PRC1: variants seen among roughly 807,000 people sequenced by gnomAD.
PRC1 encodes the protein protein regulator of cytokinesis 1, also known as anaphase spindle elongation 1 homolog.
A neutral mutation model predicts 91.2 loss-of-function variants in PRC1; 54 were observed. The ratio of observed to expected loss-of-function variants is 0.59; its 90% confidence interval spans 0.48 to 0.74. PRC1 has a LOEUF of 0.74. Among genes scored for constraint, PRC1 ranks in the 30% least tolerant of loss-of-function variants. PRC1 has a pLI of 0.00. For missense variants in PRC1, 727 were observed against 746.2 expected (o/e 0.97, Z 0.30); for synonymous variants, 275 against 263.6 (o/e 1.04, Z -0.42).
intron 1 of PRC1, among the ~76,000 whole-genome samples, chr15:90,989,337 C>T (rs2039810360): frequency 6.6e-6 from 1 of 151,724 alleles, no homozygotes. Flanking sequence ...AGCCTCAACG[C>T]CCTGGGCTCA....
chr15:90,974,094 C>T lies in PRC1; in HGVS notation c.1461+42G>A. 1 of 1,563,460 alleles carries T rather than the reference C, an allele frequency of 6.4e-7. No homozygotes were observed. The highest frequency in any genetic ancestry group is 2.2e-5 in the East Asian group (1 of 44,644). ...AAGAGGTGGCTGGGACTACCCTCAC[C>T]CACTCCCTTGAAATCAGTGTTTCCC... On this transcript the variant is annotated intron_variant, in intron 11 of 14. Coordinates refer to ENST00000394249, the MANE Select transcript of PRC1 (RefSeq NM_003981.4). The surrounding 1 kb of genome is among the most constrained non-coding windows in gnomAD (Gnocchi z 4.6).
intron 14 of PRC1, chr15:90,968,481 G>T (rs935187182): frequency 3.0e-6 from 3 of 985,658 alleles, no homozygotes; most frequent in Non-Finnish European, 3.6e-6. Context: ...CACAGATTAA[G>T]TAAAAGGCAG....
At chr15:90,991,247 C>T (rs965754917) in intron 1 of PRC1, among the ~76,000 whole-genome samples, 1 of 151,374 alleles carries the variant, frequency 6.6e-6, no homozygotes, top group Non-Finnish European at 1.5e-5. Context: ...GAAACCCCAT[C>T]TCTACTAGAA....
At chr15:90,968,650 C>T (rs917978266) in intron 14 of PRC1, 13 of 1,002,994 alleles carry the variant, frequency 1.3e-5, no homozygotes, top group Middle Eastern at 1.0e-3. Flanking sequence ...ATAGAGCTGG[C>T]GGTTAAGCCC....
At chr15:90,989,007 C>T (rs1007665607) in intron 1 of PRC1, among the ~76,000 whole-genome samples, 3 of 152,090 alleles carry the variant, frequency 2.0e-5, no homozygotes, top group African/African-American at 7.2e-5. Flanking sequence ...GGCAAAGAAT[C>T]TGAATAGACA....
At position 90,984,144 on chromosome 15, in the gene PRC1, C is replaced by G; in HGVS notation, c.145-4G>C. On this transcript the variant is annotated splice_region_variant and splice_polypyrimidine_tract_variant and intron_variant, in intron 2 of 14. Coordinates refer to ENST00000394249, the MANE Select transcript of PRC1 (RefSeq NM_003981.4). The surrounding 1 kb of genome is among the most constrained non-coding windows in gnomAD (Gnocchi z 5.1). Reference sequence around the variant, plus strand: ...CAATCATCATATCCAGGAGTTCCTACAAGAGGGAAAACAGTCCATAAGTTT... The same window carrying G: ...CAATCATCATATCCAGGAGTTCCTAGAAGAGGGAAAACAGTCCATAAGTTT... 6.2e-7 allele frequency: 1 copy of G among 1,614,006 alleles called. No individual in the cohort carries two copies. The highest frequency in any genetic ancestry group is 8.5e-7 in the Non-Finnish European group (1 of 1,179,930).
At chr15:90,969,340 C>T in intron 13 of PRC1, 107 bp downstream of exon 13, 3 of 1,407,864 alleles carry the variant, frequency 2.1e-6, no homozygotes, top group South Asian at 2.7e-5. Context: ...TCTCAGCCTC[C>T]AAGGTAGCTG....
rs1335680589 is a variant in PRC1, at chr15:90,984,519, G to A, written c.144+174C>T. Among the ~76,000 whole-genome samples the A allele has an allele frequency of 3.9e-5, 6 of 152,086 alleles. No homozygotes were observed. The highest frequency in any genetic ancestry group is 2.1e-4 in the South Asian group (1 of 4,818). On this transcript the variant is annotated intron_variant, in intron 2 of 14. Coordinates refer to ENST00000394249, the MANE Select transcript of PRC1 (RefSeq NM_003981.4). The surrounding 1 kb of genome is among the most constrained non-coding windows in gnomAD (Gnocchi z 5.1). ...GCTGGGATTACAGGCATGAGCCACC[G>A]CACCCAGCCTCCTCAAATTTCAAGA...
chr15:90,968,080 C>G, intron 14 of PRC1: 4 of 985,452 alleles, frequency 4.1e-6, no homozygotes, highest in Non-Finnish European at 4.8e-6. Context: ...TTTGGTGCTG[C>G]CTGGTGGAGT....
At chr15:90,986,326 A>G (rs2039570692) in intron 1 of PRC1, among the ~76,000 whole-genome samples, 3 of 152,238 alleles carry the variant, frequency 2.0e-5, no homozygotes, top group African/African-American at 4.8e-5. Flanking sequence ...GCACTAATGC[A>G]GCAATGAAAA....
At chr15:90,980,417 G>T (rs752770953) in intron 6 of PRC1, 28 bp from the exon 7 acceptor site, 8 of 1,606,074 alleles carry the variant, frequency 5.0e-6, no homozygotes, top group Admixed American at 1.7e-5. Flanking sequence ...GTTAAGGGTG[G>T]CTGCCATAGT....
rs866904342 is a variant in PRC1 at position 90,980,371 on chromosome 15, G to A, written c.841C>T (p.Arg281Trp). 26 of 1,613,502 alleles carry A rather than the reference G, an allele frequency of 1.6e-5. No homozygotes were observed. The highest frequency in any genetic ancestry group is 5.3e-5 in the African/African-American group (4 of 74,840). Residue 281 changes from arginine to tryptophan, a missense_variant, in exon 7 of 15, where the codon CGG becomes TGG. Transcript: ENST00000394249. ...VRKALQLEVD[R>W]LEELKMQNMK... ...TTTTGCATTTTCAGTTCTTCCAACCGATCCACTTCTAATTGCAGCTGAAAG... is the reference window on the plus strand; with the variant it reads ...TTTTGCATTTTCAGTTCTTCCAACCAATCCACTTCTAATTGCAGCTGAAAG...
rs2039475996 is a variant in PRC1 at position 90,984,953 on chromosome 15, A to T, written c.12-128T>A. ...AGAAAAAAACAAATTGAAAACAAGC[A>T]TTCAGCTTAATTCACCTTTAACCAC... is the stretch of plus-strand genomic sequence containing the variant. On this transcript the variant is annotated intron_variant, in intron 1 of 14. Transcript: ENST00000394249. This position sits in a 1 kb window ranked among gnomAD's most constrained non-coding sequence, Gnocchi z 5.1. 8.8e-7 allele frequency: 1 copy of T among 1,134,644 alleles called. No homozygotes were observed. The highest frequency in any genetic ancestry group is 1.2e-6 in the Non-Finnish European group (1 of 804,282). 70.3% of individuals were successfully genotyped at this position (1,134,644 alleles called of 1,614,324 possible).
chr15:90,988,195 T>A (rs1488530742), intron 1 of PRC1: 1 of 152,172 alleles, frequency 6.6e-6, no homozygotes, highest in Non-Finnish European at 1.5e-5. Context: ...GACAAAAGAA[T>A]GCACAAGTTA....
At position 90,984,672 on chromosome 15, in the gene PRC1, G is replaced by C. The variant is rs766483978; in HGVS notation, c.144+21C>G. ...CATCCTTACCCTGGTCCAATGCAGA[G>C]ACCAGTACTATTCAACCCACCTTGA... On this transcript the variant is annotated intron_variant, in intron 2 of 14. Transcript: ENST00000394249. This position sits in a 1 kb window ranked among gnomAD's most constrained non-coding sequence, Gnocchi z 5.1. 6.2e-7 allele frequency: 1 copy of C among 1,613,898 alleles called. No homozygotes were observed. Among genetic ancestry groups the C allele is most frequent in the South Asian group, 1.1e-5 (1 of 91,052 alleles).
At chr15:90,980,643 C>T in intron 6 of PRC1, 4 of 684,772 alleles carry the variant, frequency 5.8e-6, no homozygotes, top group Non-Finnish European at 9.5e-6. Context: ...TCTCAGCCTC[C>T]CAAGTAGCTG....
Position 90,984,513 on chromosome 15 carries a change from G to A in PRC1, c.144+180C>T, listed in dbSNP as rs1026084274. ...CAAAGTGCTGGGATTACAGGCATGA[G>A]CCACCGCACCCAGCCTCCTCAAATT... On this transcript the variant is annotated intron_variant, in intron 2 of 14. Transcript: ENST00000394249. This position sits in a 1 kb window ranked among gnomAD's most constrained non-coding sequence, Gnocchi z 5.1. Among the ~76,000 whole-genome samples the A allele has an allele frequency of 2.0e-5, 3 of 152,160 alleles. No individual in the cohort carries two copies. Among genetic ancestry groups the A allele is most frequent in the African/African-American group, 7.2e-5 (3 of 41,432 alleles).
At chr15:90,989,412 ATTTTTTTTTTT>A (rs58512103) in intron 1 of PRC1, among the ~76,000 whole-genome samples, 1 of 118,486 alleles carries the variant, frequency 8.4e-6, no homozygotes, top group African/African-American at 3.2e-5. Context: ...TGCTTGGCTA[ATTTTTTTTTTT>A]TTTTTTTTTT....
In PRC1 at chr15:90,966,280, C is replaced by T. The variant is rs142193322; in HGVS notation, c.*851G>A. On this transcript the variant is annotated 3_prime_UTR_variant, in exon 15 of 15. Transcript: ENST00000394249. ...AGGATAGGTAAAGAGGGCGCCTCAT[C>T]GTGGAAGCTAGAGCAGGAACACCTC... 81 of 224,720 alleles carry T rather than the reference C, an allele frequency of 3.6e-4. No homozygotes were observed. The highest frequency in any genetic ancestry group is 5.5e-4 in the Non-Finnish European group (60 of 108,418). The allele number at this position is 224,720 out of a possible 1,614,324, so 13.9% of individuals were successfully genotyped here.
Sources: allele counts gnomAD v4.1 joint callset (sites outside exome capture counted in the v4.1 genomes callset), GRCh38; gene constraint gnomAD v4.1.1; non-coding constraint Gnocchi (gnomAD v3.1); transcripts MANE v1.5; gene names NCBI Gene and HGNC (gene_info 2026-07-23, HGNC 2026-07-21).